PRKAG2: variants seen among roughly 807,000 people sequenced by gnomAD.
PRKAG2 encodes protein kinase AMP-activated non-catalytic subunit gamma 2.
In PRKAG2, 26 loss-of-function variants were observed where a neutral mutation model predicts 69.6. That is an observed-to-expected ratio of 0.37 (90% CI 0.27 to 0.52). The LOEUF (loss-of-function observed/expected upper bound fraction) is 0.52. Among genes scored for constraint, PRKAG2 ranks in the 20% least tolerant of loss-of-function variants. The pLI, the probability that PRKAG2 is intolerant of heterozygous loss-of-function variation, is 0.90. For synonymous variants in PRKAG2, 293 were observed against 285.0 expected (o/e 1.03, Z -0.28); for missense variants, 557 against 740.0 (o/e 0.75, Z 2.87).
chr7:151,617,943 A>G (rs73479368), intron 5 of PRKAG2, among the ~76,000 whole-genome samples: 6,077 of 152,234 alleles, frequency 0.04, 403 homozygotes, highest in African/African-American at 0.14. Context: ...TTCTCTTTTT[A>G]GAAAACTGTT....
intron 3 of PRKAG2, among the ~76,000 whole-genome samples, chr7:151,749,404 C>G (rs1014318672): frequency 1.3e-5 from 2 of 152,122 alleles, no homozygotes; most frequent in Non-Finnish European, 2.9e-5. Context: ...TTTCAGTAAG[C>G]GTTCAGTGTC....
intron 5 of PRKAG2, among the ~76,000 whole-genome samples, chr7:151,617,415 CA>C (rs1221550683): frequency 2.6e-5 from 4 of 151,964 alleles, no homozygotes; most frequent in Admixed American, 1.3e-4. Flanking sequence ...GTTGATGAAA[CA>C]AGGCTGTCTC....
intron 3 of PRKAG2, among the ~76,000 whole-genome samples, chr7:151,708,305 G>A (rs1056846501): frequency 3.3e-5 from 5 of 152,158 alleles, no homozygotes; most frequent in Admixed American, 1.3e-4. Context: ...GTGAACTCGG[G>A]ACTCTAATAA....
intron 3 of PRKAG2, among the ~76,000 whole-genome samples, chr7:151,740,388 C>A (rs1408197692): frequency 6.6e-6 from 1 of 152,238 alleles, no homozygotes; most frequent in East Asian, 1.9e-4. Context: ...CTTCATCCTT[C>A]AGGCACAGCA....
intron 4 of PRKAG2, among the ~76,000 whole-genome samples, chr7:151,641,244 C>CTTTTTTTTTTTTTT (rs374667332): frequency 6.6e-5 from 7 of 105,688 alleles, no homozygotes; most frequent in Admixed American, 2.3e-4. Context: ...TTCTTTTTTC[C>CTTTTTTTTTTTTTT]TTTTTTTTTT....
In PRKAG2 at chr7:151,571,938, C is replaced by CA. The variant is rs1167800025; in HGVS notation, c.1051+725dup. Among the ~76,000 whole-genome samples, 3 of 152,272 alleles carry CA rather than the reference C, an allele frequency of 2.0e-5. No homozygotes were observed. The East Asian group carries it at 5.8e-4, about 29-fold the overall frequency. ...CTTCAGTTGGTCCCTCCATTTCTAC[C>CA]AGTGTTTCCTTGAGCACCCTCCAAA... On this transcript the variant is annotated intron_variant, in intron 9 of 15. Transcript: ENST00000287878.
intron 1 of PRKAG2, among the ~76,000 whole-genome samples, chr7:151,834,709 A>G (rs1489406795): frequency 6.6e-6 from 1 of 152,236 alleles, no homozygotes; most frequent in African/African-American, 2.4e-5. Context: ...CCCCCACCCC[A>G]GGAACGGAGT....
chr7:151,728,464 C>G (rs530707533), intron 3 of PRKAG2, among the ~76,000 whole-genome samples: 2 of 152,260 alleles, frequency 1.3e-5, no homozygotes, highest in East Asian at 3.9e-4. Flanking sequence ...GACAGAGCAG[C>G]AGGGGCTGGC....
intron 6 of PRKAG2, 149 bp from the exon 7 acceptor site, chr7:151,576,601 A>G (rs1808997031): frequency 1.4e-6 from 1 of 693,958 alleles, no homozygotes; most frequent in Non-Finnish European, 2.5e-6. Context: ...CCTGGGCTCA[A>G]TTGATTCTCT....
intron 3 of PRKAG2, among the ~76,000 whole-genome samples, chr7:151,727,379 C>T (rs1162382630): frequency 6.6e-6 from 1 of 152,090 alleles, no homozygotes; most frequent in African/African-American, 2.4e-5. Flanking sequence ...ATCCAGCCAT[C>T]GAGGTGGGGA....
intron 3 of PRKAG2, among the ~76,000 whole-genome samples, chr7:151,749,056 G>A (rs575566135): frequency 2.6e-5 from 4 of 152,238 alleles, no homozygotes; most frequent in African/African-American, 4.8e-5. Context: ...AGAGGCCCAC[G>A]GGCCAGATGT....
At chr7:151,797,070 G>A (rs2077582591) in intron 1 of PRKAG2, among the ~76,000 whole-genome samples, 1 of 152,166 alleles carries the variant, frequency 6.6e-6, no homozygotes, top group South Asian at 2.1e-4. Context: ...CGGCCAGCCA[G>A]CTGCAGACAC....
At chr7:151,795,876 T>TATATATATACATATATATATATATAC (rs1563689643) in intron 1 of PRKAG2, among the ~76,000 whole-genome samples, 6 of 112,840 alleles carry the variant, frequency 5.3e-5, no homozygotes, top group African/African-American at 2.2e-4. Context: ...TATATATATA[T>TATATATATACATATATATATATATAC]ATATATATAT....
At chr7:151,768,127 G>A (rs1467426584) in intron 3 of PRKAG2, among the ~76,000 whole-genome samples, 1 of 152,166 alleles carries the variant, frequency 6.6e-6, no homozygotes. Context: ...CCTCCAGGAG[G>A]GTTCTAGAAA....
chr7:151,734,479 G>A (rs1209206833), intron 3 of PRKAG2, among the ~76,000 whole-genome samples: 2 of 152,202 alleles, frequency 1.3e-5, no homozygotes, highest in African/African-American at 2.4e-5. Context: ...TAGGGGTCCT[G>A]CTGTTCCATC....
Position 151,807,570 on chromosome 7 carries a change from T to G in PRKAG2, c.115-21029A>C. ...TGCGCCTTCCAGAACCCAGCGTAGA[T>G]GCACAGCTGCCACGGAGGTAGGAAG... On this transcript the variant is annotated intron_variant, in intron 1 of 15. Coordinates refer to ENST00000287878, the MANE Select transcript of PRKAG2 (RefSeq NM_016203.4). This position sits in a 1 kb window ranked among gnomAD's most constrained non-coding sequence, Gnocchi z 4.4. The G allele has an allele frequency of 2.2e-6, 1 of 457,856 alleles. No individual in the cohort carries two copies. Among genetic ancestry groups the G allele is most frequent in the South Asian group, 1.5e-5 (1 of 64,566 alleles). 28.4% of individuals were successfully genotyped at this position (457,856 alleles called of 1,614,324 possible).
At chr7:151,747,563 A>AACCC (rs1554579987) in intron 3 of PRKAG2, among the ~76,000 whole-genome samples, 1 of 151,096 alleles carries the variant, frequency 6.6e-6, no homozygotes, top group Non-Finnish European at 1.5e-5. Flanking sequence ...TCTCAAAAAA[A>AACCC]AACCAACCAA....
At chr7:151,735,823 G>A in intron 3 of PRKAG2, 2 of 1,514,208 alleles carry the variant, frequency 1.3e-6, no homozygotes, top group Non-Finnish European at 1.8e-6. Context: ...CTACTGCTTA[G>A]GAGGGTGTGC....
intron 3 of PRKAG2, among the ~76,000 whole-genome samples, chr7:151,770,933 T>C (rs1470659009): frequency 6.6e-6 from 1 of 152,196 alleles, no homozygotes; most frequent in Non-Finnish European, 1.5e-5. Context: ...GGTTGGGTCT[T>C]GTGTTGACCA....
Sources: allele counts gnomAD v4.1 joint callset (sites outside exome capture counted in the v4.1 genomes callset), GRCh38; gene constraint gnomAD v4.1.1; non-coding constraint Gnocchi (gnomAD v3.1); transcripts MANE v1.5; gene names NCBI Gene and HGNC (gene_info 2026-07-23, HGNC 2026-07-21).